The following CCZ1B variants were observed in gnomAD, a reference collection of about 807,000 sequenced individuals.
The protein encoded by CCZ1B is vacuolar fusion protein CCZ1 homolog B.
In CCZ1B, 25 loss-of-function variants were observed where a neutral mutation model predicts 58.8. That is an observed-to-expected ratio of 0.43 (90% CI 0.31 to 0.59). The LOEUF (loss-of-function observed/expected upper bound fraction) is 0.59. Ranked by LOEUF, CCZ1B falls within the 20% of genes least tolerant of loss-of-function variation. CCZ1B has a pLI of 0.12. For missense variants in CCZ1B, 180 were observed against 501.5 expected (o/e 0.36, Z 6.12); for synonymous variants, 66 against 173.2 (o/e 0.38, Z 4.86).
chr7:6,822,448 A>G, intron 5 of CCZ1B, 84 bp from the exon 6 acceptor site: 1 of 1,474,764 alleles, frequency 6.8e-7, no homozygotes, highest in African/African-American at 1.5e-5. Flanking sequence ...TTTCCTTTAG[A>G]TTATTAATTC....
At chr7:6,809,452 G>C (rs1337454405) in intron 10 of CCZ1B, among the ~76,000 whole-genome samples, 1 of 146,028 alleles carries the variant, frequency 6.8e-6, no homozygotes, top group Non-Finnish European at 1.5e-5. Flanking sequence ...TCTAAAAATA[G>C]AAATGCAGCC....
At chr7:6,824,233 T>G in intron 3 of CCZ1B, 67 bp from the exon 4 acceptor site, 2 of 1,546,124 alleles carry the variant, frequency 1.3e-6, no homozygotes, top group Non-Finnish European at 1.7e-6. Flanking sequence ...TGCCTTAATT[T>G]AAAAACTTTG....
At chr7:6,806,155 TCAA>T in intron 10 of CCZ1B, 118 bp from the exon 11 acceptor site, 1 of 521,874 alleles carries the variant, frequency 1.9e-6, no homozygotes, top group Admixed American at 3.8e-5. Flanking sequence ...TGCTTTTTGG[TCAA>T]CTAGAGCCAT....
At position 6,801,854 on chromosome 7, in the gene CCZ1B, G is replaced by A. The variant is rs1433175511; in HGVS notation, c.1107-331C>T. ...CTCCCAAAGTGCAGGGATTACAGGC[G>A]TGAGCCCCCGCGCCCGGCCCTGGCC... On this transcript the variant is annotated intron_variant, in intron 12 of 14. Transcript: ENST00000316731. 1.2e-4 allele frequency among the ~76,000 whole-genome samples: 13 copies of A among 112,996 alleles called. No homozygotes were observed. The South Asian group carries it at 1.7e-3, about 15-fold the overall frequency. The allele number at this position is 112,996 out of a possible 152,430, so 74.1% of individuals were successfully genotyped here.
intron 8 of CCZ1B, 182 bp downstream of exon 8, chr7:6,814,582 A>T (rs1583553046): frequency 4.2e-6 from 2 of 473,088 alleles, no homozygotes; most frequent in Middle Eastern, 7.7e-4. Context: ...TGAATGTCAC[A>T]TACTGGAGGA....
intron 5 of CCZ1B, 72 bp downstream of exon 5, chr7:6,823,241 T>C: frequency 6.3e-7 from 1 of 1,581,882 alleles, no homozygotes; most frequent in Non-Finnish European, 8.6e-7. Flanking sequence ...AGACTTCTCT[T>C]TAAACAACCC....
At chr7:6,815,070 T>A (rs1782978993) in intron 7 of CCZ1B, among the ~76,000 whole-genome samples, 1 of 149,242 alleles carries the variant, frequency 6.7e-6, no homozygotes, top group Non-Finnish European at 1.5e-5. Flanking sequence ...ATTCTTAGCA[T>A]TGAGGTAAAT....
intron 14 of CCZ1B, among the ~76,000 whole-genome samples, chr7:6,800,606 C>A (rs1782750364): frequency 7.3e-6 from 1 of 136,700 alleles, no homozygotes; most frequent in African/African-American, 2.8e-5. Context: ...GAGTTGGGGG[C>A]TGTGGTGAGC....
intron 10 of CCZ1B, among the ~76,000 whole-genome samples, chr7:6,807,860 AAAT>A (rs1325255974): frequency 7.5e-5 from 8 of 106,118 alleles, no homozygotes; most frequent in African/African-American, 2.7e-4. Flanking sequence ...AGCAGGATAT[AAAT>A]AACTCTCACA....
rs964234385 is a variant in CCZ1B at position 6,810,283 on chromosome 7, G to A, written c.954+1669C>T. 1.3e-4 allele frequency among the ~76,000 whole-genome samples: 19 copies of A among 149,730 alleles called. 1 individual carries two copies. Among genetic ancestry groups the A allele is most frequent in the Admixed American group, 1.0e-3 (15 of 15,066 alleles). On this transcript the variant is annotated intron_variant, in intron 10 of 14. Coordinates refer to ENST00000316731, the MANE Select transcript of CCZ1B (RefSeq NM_198097.5). ...CCACCTTGGCCTCCCAAAGTGCTGG[G>A]ATTATAGGCGTGAGCCACCATGCCC...
intron 8 of CCZ1B, among the ~76,000 whole-genome samples, chr7:6,813,473 G>C (rs1227263747): frequency 1.3e-5 from 2 of 149,222 alleles, no homozygotes; most frequent in Admixed American, 1.3e-4. Context: ...AGCTACTTGG[G>C]AGGCTGAGGT....
At chr7:6,814,079 G>C (rs1411087025) in intron 8 of CCZ1B, among the ~76,000 whole-genome samples, 1 of 148,830 alleles carries the variant, frequency 6.7e-6, no homozygotes, top group South Asian at 2.1e-4. Context: ...CCAGGAAGCG[G>C]AAGTTGCAGT....
At chr7:6,820,069 C>T in intron 6 of CCZ1B, 128 bp from the exon 7 acceptor site, 1 of 1,345,696 alleles carries the variant, frequency 7.4e-7, no homozygotes, top group South Asian at 1.3e-5. Context: ...AACAGCACAA[C>T]AATGAGGCCG....
chr7:6,819,992 A>C (rs758664938), intron 6 of CCZ1B, 51 bp from the exon 7 acceptor site: 1 of 1,400,480 alleles, frequency 7.1e-7, no homozygotes, highest in South Asian at 1.2e-5. Flanking sequence ...ACTGAATATA[A>C]TGCTCCTTGA....
intron 12 of CCZ1B, among the ~76,000 whole-genome samples, chr7:6,804,499 C>T (rs1354874896): frequency 8.8e-6 from 1 of 113,724 alleles, no homozygotes; most frequent in African/African-American, 3.4e-5. Flanking sequence ...TCCCGCCTCT[C>T]CCACTCAGTG....
chr7:6,824,308 G>T, intron 3 of CCZ1B, 142 bp from the exon 4 acceptor site: 1 of 1,463,048 alleles, frequency 6.8e-7, no homozygotes, highest in Admixed American at 2.7e-5. Flanking sequence ...AAGCAAATAG[G>T]AAGAACTTGA....
chr7:6,822,894 T>TG (rs1783133939), intron 5 of CCZ1B, among the ~76,000 whole-genome samples: 1 of 146,614 alleles, frequency 6.8e-6, no homozygotes, highest in South Asian at 2.2e-4. Flanking sequence ...TTTGTAGAGA[T>TG]GGGGTCTTGC....
At chr7:6,816,675 T>C (rs1783005028) in intron 7 of CCZ1B, among the ~76,000 whole-genome samples, 1 of 150,594 alleles carries the variant, frequency 6.6e-6, no homozygotes, top group East Asian at 1.9e-4. Flanking sequence ...GGACTATAGG[T>C]ATGTGCACCA....
At position 6,818,876 on chromosome 7, in the gene CCZ1B, G is replaced by A. The variant is rs147753066; in HGVS notation, c.698+890C>T. On this transcript the variant is annotated intron_variant, in intron 7 of 14. Transcript: ENST00000316731. ...CAGCTCTCAGGGGTCATATATGCTGGGCAGTCTTGTGCCCACGTTGTTCCT... is the reference window on the plus strand; with the variant it reads ...CAGCTCTCAGGGGTCATATATGCTGAGCAGTCTTGTGCCCACGTTGTTCCT... 8.2e-3 allele frequency among the ~76,000 whole-genome samples: 1,214 copies of A among 148,584 alleles called. 125 individuals carry two copies. Among genetic ancestry groups the A allele is most frequent in the African/African-American group, 0.029 (1,143 of 39,186 alleles).
Sources: gnomAD v4.1 joint callset for allele counts (sites outside exome capture counted in the v4.1 genomes callset) on GRCh38, gnomAD v4.1.1 for gene constraint, MANE v1.5 for transcripts, NCBI Gene and HGNC (gene_info 2026-07-23, HGNC 2026-07-21) for gene names.